Variants in MYO1E observed in about 807,000 individuals in gnomAD.
MYO1E encodes the protein unconventional myosin-Ie.
A neutral mutation model predicts 151.1 loss-of-function variants in MYO1E; 68 were observed. That is an observed-to-expected ratio of 0.45 (90% confidence interval 0.37 to 0.55). The LOEUF (loss-of-function observed/expected upper bound fraction) is 0.55. Ranked by LOEUF, MYO1E falls within the 20% of genes least tolerant of loss-of-function variation. The probability of loss-of-function intolerance (pLI) is 0.00; values close to 1 mark genes in which losing one functional copy is unlikely to be tolerated. For synonymous variants in MYO1E, 601 were observed against 501.7 expected, an observed-to-expected ratio of 1.20 and a Z score of -2.64; for missense variants, 1,363 against 1,389.3, an observed-to-expected ratio of 0.98 and a Z score of 0.30.
rs2080684496 is a variant in MYO1E at position 59,329,231 on chromosome 15, A to T, written c.3+43267T>A. On this transcript the variant is annotated intron_variant, in intron 1 of 27. Coordinates refer to ENST00000288235, the MANE Select transcript of MYO1E (RefSeq NM_004998.4). The stretch of plus-strand genomic sequence containing the variant: ...CCATGGAGCTTACAATCTAGTAAAG[A>T]CTCATGCCAAGTCCCATGAATTATT... Among the ~76,000 whole-genome samples the T allele has an allele frequency of 2.6e-5, 4 of 152,236 alleles. No homozygotes were observed. The South Asian group carries it at 8.3e-4, about 32-fold the overall frequency.
chr15:59,185,081 C>CT lies in MYO1E; in HGVS notation c.1904+3036dup, dbSNP rs534029023. ...ATATGCCTGTCTGCCATCAGCATGT[C>CT]TTTTTTTTGAGAAATGTCTCTTGAG... On this transcript the variant is annotated intron_variant, in intron 18 of 27. Coordinates refer to ENST00000288235, the MANE Select transcript of MYO1E (RefSeq NM_004998.4). Among the ~76,000 whole-genome samples the CT allele has an allele frequency of 5.1e-4, 77 of 151,976 alleles. 1 individual carries two copies. Among genetic ancestry groups the CT allele is most frequent in the East Asian group, 4.3e-3 (22 of 5,174 alleles).
At chr15:59,222,794 C>T (rs2079964109) in intron 9 of MYO1E, among the ~76,000 whole-genome samples, 1 of 152,190 alleles carries the variant, frequency 6.6e-6, no homozygotes, top group South Asian at 2.1e-4. Context: ...ATCCTCCCAG[C>T]TTTCCCCAGG....
intron 4 of MYO1E, 30 bp from the exon 5 acceptor site, chr15:59,236,702 G>T: frequency 1.3e-6 from 2 of 1,548,348 alleles, no homozygotes; most frequent in South Asian, 1.1e-5. Flanking sequence ...GAATCCACCT[G>T]AGAAGTGGAT....
chr15:59,370,288 T>C (rs1433774767), intron 1 of MYO1E, among the ~76,000 whole-genome samples: 3 of 152,248 alleles, frequency 2.0e-5, no homozygotes, highest in African/African-American at 7.2e-5. Flanking sequence ...GACATAAACA[T>C]TAAATATTGT....
chr15:59,231,833 C>T (rs1332044323), intron 5 of MYO1E, 42 bp from the exon 6 acceptor site: 7 of 1,598,928 alleles, frequency 4.4e-6, no homozygotes, highest in Admixed American at 1.7e-5. Context: ...GGTGTGAACA[C>T]CTACCACACA....
chr15:59,251,663 CA>C (rs2080165698), intron 4 of MYO1E, among the ~76,000 whole-genome samples: 1 of 152,184 alleles, frequency 6.6e-6, no homozygotes, highest in Non-Finnish European at 1.5e-5. Context: ...TATTTACCTC[CA>C]AATACTTCAG....
intron 1 of MYO1E, among the ~76,000 whole-genome samples, chr15:59,280,738 A>G (rs1430026989): frequency 6.6e-6 from 1 of 152,116 alleles, no homozygotes; most frequent in African/African-American, 2.4e-5. Flanking sequence ...TATAACCAGT[A>G]GCATCTTAGG....
At chr15:59,247,576 C>T (rs1243138863) in intron 4 of MYO1E, among the ~76,000 whole-genome samples, 3 of 152,160 alleles carry the variant, frequency 2.0e-5, no homozygotes, top group Non-Finnish European at 4.4e-5. Flanking sequence ...AGGGCAGGCA[C>T]TCAGGAAGTC....
chr15:59,364,631 C>T (rs535654847), intron 1 of MYO1E, among the ~76,000 whole-genome samples: 2 of 152,192 alleles, frequency 1.3e-5, no homozygotes, highest in African/African-American at 4.8e-5. Flanking sequence ...GTTTGAGGCC[C>T]GGTGTGGTGG....
intron 1 of MYO1E, among the ~76,000 whole-genome samples, chr15:59,278,550 T>G (rs1319558816): frequency 1.3e-5 from 2 of 152,240 alleles, no homozygotes; most frequent in African/African-American, 4.8e-5. Flanking sequence ...TACAAGGCAC[T>G]GGGCTTGCAA....
chr15:59,177,207 T>A (rs2079630365), intron 19 of MYO1E, among the ~76,000 whole-genome samples: 1 of 152,208 alleles, frequency 6.6e-6, no homozygotes, highest in Non-Finnish European at 1.5e-5. Context: ...AAAATTCTTG[T>A]GAAGCTACAA....
intron 26 of MYO1E, among the ~76,000 whole-genome samples, chr15:59,142,942 A>G (rs1376330062): frequency 1.5e-5 from 2 of 133,042 alleles, no homozygotes; most frequent in Non-Finnish European, 3.2e-5. Flanking sequence ...AAAAAAAAAA[A>G]GGCGTCTAGA....
intron 1 of MYO1E, among the ~76,000 whole-genome samples, chr15:59,332,532 C>CA (rs1259835808): frequency 6.6e-6 from 1 of 152,122 alleles, no homozygotes; most frequent in Non-Finnish European, 1.5e-5. Flanking sequence ...CTGACAGCAG[C>CA]AGCAGTCCAC....
At chr15:59,314,804 T>C (rs2080575791) in intron 1 of MYO1E, among the ~76,000 whole-genome samples, 1 of 152,038 alleles carries the variant, frequency 6.6e-6, no homozygotes, top group Non-Finnish European at 1.5e-5. Context: ...GCCTAAAATG[T>C]CAGCAGTGTC....
chr15:59,142,061 C>T (rs903738454), intron 26 of MYO1E, among the ~76,000 whole-genome samples: 2 of 145,478 alleles, frequency 1.4e-5, no homozygotes, highest in Middle Eastern at 4.2e-3. Flanking sequence ...GAGCCGAGAG[C>T]GTGCCACTGC....
intron 2 of MYO1E, among the ~76,000 whole-genome samples, chr15:59,264,350 G>A (rs2080241103): frequency 6.6e-6 from 1 of 152,114 alleles, no homozygotes; most frequent in Non-Finnish European, 1.5e-5. Context: ...TGGATCCCAC[G>A]CCCATACTCT....
chr15:59,268,893 T>C (rs1316490145), intron 2 of MYO1E, among the ~76,000 whole-genome samples: 1 of 151,798 alleles, frequency 6.6e-6, no homozygotes, highest in African/African-American at 2.4e-5. Flanking sequence ...TGAGGCCGCC[T>C]GGAGTTATGA....
chr15:59,175,774 A>T (rs1490158733), intron 19 of MYO1E, among the ~76,000 whole-genome samples: 2 of 152,138 alleles, frequency 1.3e-5, no homozygotes, highest in African/African-American at 4.8e-5. Context: ...TACACTTGTG[A>T]CTCAGAGAAA....
At chr15:59,319,237 G>C (rs1451491073) in intron 1 of MYO1E, among the ~76,000 whole-genome samples, 1 of 152,176 alleles carries the variant, frequency 6.6e-6, no homozygotes, top group Non-Finnish European at 1.5e-5. Flanking sequence ...CTTGAACCCA[G>C]AAGCCGGAGG....
Sources: gnomAD v4.1 joint callset for allele counts (sites outside exome capture counted in the v4.1 genomes callset) on GRCh38, gnomAD v4.1.1 for gene constraint, MANE v1.5 for transcripts, NCBI Gene and HGNC (gene_info 2026-07-23, HGNC 2026-07-21) for gene names.